RGS6: variants seen among roughly 807,000 people sequenced by gnomAD.
The protein encoded by RGS6 is regulator of G protein signaling 6.
A neutral mutation model predicts 78.5 loss-of-function variants in RGS6; 30 were observed. The ratio of observed to expected loss-of-function variants is 0.38; its 90% confidence interval spans 0.29 to 0.52. RGS6 has a LOEUF of 0.52. Among genes scored for constraint, RGS6 ranks in the 20% least tolerant of loss-of-function variants. The probability of loss-of-function intolerance (pLI) is 0.85; values close to 1 mark genes in which losing one functional copy is unlikely to be tolerated. For missense variants in RGS6, 495 were observed against 609.7 expected (o/e 0.81, Z 1.98); for synonymous variants, 206 against 206.0 (o/e 1.00, Z 0.00).
At chr14:72,080,505 A>G (rs1555469265) in intron 2 of RGS6, among the ~76,000 whole-genome samples, 1 of 152,148 alleles carries the variant, frequency 6.6e-6, no homozygotes. Context: ...TTTGCTGTGC[A>G]GAAGCTTTTT....
the RGS6 span, among the ~76,000 whole-genome samples, chr14:72,611,891 T>TA: frequency 1.3e-5 from 2 of 152,080 alleles, no homozygotes; most frequent in African/African-American, 4.8e-5. Context: ...TACATATACT[T>TA]ACACCTTCCG....
chr14:72,485,638 T>C (rs999895153), intron 12 of RGS6, among the ~76,000 whole-genome samples: 5 of 152,244 alleles, frequency 3.3e-5, no homozygotes, highest in East Asian at 1.9e-4. Context: ...TTTTCAACTG[T>C]ATTGGTTTGA....
chr14:71,957,096 A>C (rs1365624341), intron 1 of RGS6, among the ~76,000 whole-genome samples: 1 of 152,172 alleles, frequency 6.6e-6, no homozygotes. Context: ...AGAAGGAAAA[A>C]GCTTCAGGTG....
intron 3 of RGS6, among the ~76,000 whole-genome samples, chr14:72,420,685 A>G (rs1655770010): frequency 6.6e-6 from 1 of 152,168 alleles, no homozygotes; most frequent in South Asian, 2.1e-4. Flanking sequence ...AAAAACCTTC[A>G]CTAGTAATTT....
intron 2 of RGS6, among the ~76,000 whole-genome samples, chr14:71,965,670 C>A (rs1001124087): frequency 6.6e-6 from 1 of 152,146 alleles, no homozygotes; most frequent in Non-Finnish European, 1.5e-5. Context: ...ACTTCTGTGC[C>A]AAGAGTTGCA....
At chr14:72,291,390 G>A (rs2063551270) in intron 2 of RGS6, among the ~76,000 whole-genome samples, 1 of 152,080 alleles carries the variant, frequency 6.6e-6, no homozygotes, top group Non-Finnish European at 1.5e-5. Context: ...TCTCCAGGAA[G>A]ACTACATTAT....
At chr14:72,399,179 G>C (rs2091973410) in intron 3 of RGS6, among the ~76,000 whole-genome samples, 1 of 146,164 alleles carries the variant, frequency 6.8e-6, no homozygotes, top group Non-Finnish European at 1.5e-5. Flanking sequence ...TCTCTTTGTA[G>C]GTCACTAAGG....
At chr14:71,990,468 G>T (rs1254781537) in intron 2 of RGS6, 1 of 381,246 alleles carries the variant, frequency 2.6e-6, no homozygotes, top group African/African-American at 2.1e-5. Flanking sequence ...TGGGACATGG[G>T]AATATGTTAT....
chr14:72,290,863 G>A (rs1036877145), intron 2 of RGS6, among the ~76,000 whole-genome samples: 4 of 152,042 alleles, frequency 2.6e-5, no homozygotes, highest in Admixed American at 6.6e-5. Flanking sequence ...TGTGCCAAGG[G>A]CAACAAGGTT....
chr14:71,915,205 C>T, the RGS6 span, among the ~76,000 whole-genome samples: 1 of 151,210 alleles, frequency 6.6e-6, no homozygotes, highest in East Asian at 2.0e-4. Flanking sequence ...TGCAGTGAGG[C>T]GAGATCGTGC....
At chr14:71,980,907 C>G (rs1357197094) in intron 2 of RGS6, among the ~76,000 whole-genome samples, 1 of 94,682 alleles carries the variant, frequency 1.1e-5, no homozygotes, top group South Asian at 4.7e-4. Flanking sequence ...ACCAATCAGA[C>G]GTAGATTTGG....
At chr14:72,210,358 A>G (rs1167174070) in intron 2 of RGS6, among the ~76,000 whole-genome samples, 1 of 152,078 alleles carries the variant, frequency 6.6e-6, no homozygotes, top group African/African-American at 2.4e-5. Context: ...TTTTTCACCT[A>G]CATTTGGTCT....
chr14:72,066,980 A>G (rs903616694), intron 2 of RGS6, among the ~76,000 whole-genome samples: 2 of 152,176 alleles, frequency 1.3e-5, no homozygotes, highest in Non-Finnish European at 2.9e-5. Flanking sequence ...GTCCCTGCAA[A>G]GGACATGAAC....
intron 2 of RGS6, among the ~76,000 whole-genome samples, chr14:72,235,510 C>T (rs1014257001): frequency 6.6e-6 from 1 of 152,182 alleles, no homozygotes; most frequent in Non-Finnish European, 1.5e-5. Flanking sequence ...TGGAGCTGGA[C>T]AAATCATGTA....
chr14:72,320,235 G>A lies in RGS6; in HGVS notation c.85-31860G>A, dbSNP rs115988754. Reference sequence around the variant, plus strand: ...CAAATGTAAAAACAATAAATAAAACGTGTCCAACATTTAAGAACCCAGAGA... The same window carrying A: ...CAAATGTAAAAACAATAAATAAAACATGTCCAACATTTAAGAACCCAGAGA... On this transcript the variant is annotated intron_variant, in intron 2 of 17. Transcript: ENST00000553525. Among the ~76,000 whole-genome samples the A allele has an allele frequency of 3.0e-3, 456 of 152,210 alleles. 2 individuals carry two copies. The highest frequency in any genetic ancestry group is 0.01 in the African/African-American group (427 of 41,536).
the RGS6 span, among the ~76,000 whole-genome samples, chr14:72,596,206 C>A: frequency 2.6e-5 from 4 of 152,164 alleles, no homozygotes; most frequent in South Asian, 2.1e-4. Flanking sequence ...CACTTTCTTG[C>A]CTTTTCCATT....
chr14:72,084,276 C>T (rs952183272), intron 2 of RGS6, among the ~76,000 whole-genome samples: 2 of 152,146 alleles, frequency 1.3e-5, no homozygotes, highest in Non-Finnish European at 2.9e-5. Flanking sequence ...GAATCCAATG[C>T]CCCCACTGAT....
chr14:72,308,052 A>G (rs1345629979), intron 2 of RGS6, among the ~76,000 whole-genome samples: 1 of 152,202 alleles, frequency 6.6e-6, no homozygotes, highest in Non-Finnish European at 1.5e-5. Flanking sequence ...TCCCCCAGCC[A>G]TCTAATTAAA....
intron 2 of RGS6, among the ~76,000 whole-genome samples, chr14:72,230,154 G>A (rs1213609936): frequency 2.0e-5 from 3 of 152,184 alleles, no homozygotes; most frequent in Non-Finnish European, 4.4e-5. Context: ...TTGACGGGAT[G>A]GGCTAGGCAG....
Sources: allele counts gnomAD v4.1 joint callset (sites outside exome capture counted in the v4.1 genomes callset), GRCh38; gene constraint gnomAD v4.1.1; transcripts MANE v1.5; gene names NCBI Gene and HGNC (gene_info 2026-07-23, HGNC 2026-07-21).